SIPA1L2: variants seen among roughly 807,000 people sequenced by gnomAD.
SIPA1L2 encodes the protein signal induced proliferation associated 1 like 2, also known as signal-induced proliferation-associated 1-like protein 2.
Under a neutral mutation model 163.9 loss-of-function variants are expected in SIPA1L2, and 56 were observed. The ratio of observed to expected loss-of-function variants is 0.34; its 90% CI spans 0.28 to 0.43. The LOEUF (loss-of-function observed/expected upper bound fraction) is 0.43. Among genes scored for constraint, SIPA1L2 ranks in the 20% least tolerant of loss-of-function variants. The pLI, the probability that SIPA1L2 is intolerant of heterozygous loss-of-function variation, is 1.00. For synonymous variants in SIPA1L2, 877 were observed against 865.7 expected (o/e 1.01, Z -0.23); for missense variants, 1,974 against 2,193.5 (o/e 0.90, Z 2.00).
intron 1 of SIPA1L2, among the ~76,000 whole-genome samples, chr1:232,576,131 G>A (rs187875833): frequency 4.7e-4 from 71 of 152,280 alleles, no homozygotes; most frequent in African/African-American, 1.6e-3. Flanking sequence ...ATCAGTGGAC[G>A]TCTAGTACCG....
At chr1:232,586,358 T>A (rs1285538075) in intron 1 of SIPA1L2, among the ~76,000 whole-genome samples, 1 of 152,202 alleles carries the variant, frequency 6.6e-6, no homozygotes, top group Non-Finnish European at 1.5e-5. Flanking sequence ...TTTTATCAGA[T>A]GTCATTTTAT....
chr1:232,458,493 C>T (rs1661459212), intron 10 of SIPA1L2, among the ~76,000 whole-genome samples: 1 of 152,178 alleles, frequency 6.6e-6, no homozygotes, highest in Non-Finnish European at 1.5e-5. Context: ...TTTTATTAAA[C>T]AGATCTCTTG....
At chr1:232,570,264 G>C (rs1659643506) in intron 2 of SIPA1L2, among the ~76,000 whole-genome samples, 1 of 152,128 alleles carries the variant, frequency 6.6e-6, no homozygotes. Context: ...TGATAAACAA[G>C]TTTCTAAGCC....
At chr1:232,599,426 G>A (rs954698983) in intron 1 of SIPA1L2, among the ~76,000 whole-genome samples, 2 of 152,262 alleles carry the variant, frequency 1.3e-5, no homozygotes, top group East Asian at 3.8e-4. Context: ...AGATCTGCCA[G>A]TAAGAACAGT....
intron 8 of SIPA1L2, among the ~76,000 whole-genome samples, chr1:232,467,906 A>T (rs1363277004): frequency 1.3e-5 from 2 of 152,216 alleles, no homozygotes; most frequent in Non-Finnish European, 2.9e-5. Context: ...TGACTCCATT[A>T]TATAGTAGGG....
intron 3 of SIPA1L2, among the ~76,000 whole-genome samples, chr1:232,510,891 T>C (rs139495726): frequency 6.6e-6 from 1 of 152,328 alleles, no homozygotes; most frequent in East Asian, 1.9e-4. Flanking sequence ...TATAATTTTA[T>C]GTTCTAGTAT....
At chr1:232,489,974 C>G (rs1245869886) in intron 5 of SIPA1L2, among the ~76,000 whole-genome samples, 1 of 152,114 alleles carries the variant, frequency 6.6e-6, no homozygotes, top group East Asian at 1.9e-4. Context: ...AATTGATCTC[C>G]ACATAGCCAT....
At chr1:232,412,095 G>C (rs1660988913) in intron 19 of SIPA1L2, among the ~76,000 whole-genome samples, 1 of 152,130 alleles carries the variant, frequency 6.6e-6, no homozygotes, top group Non-Finnish European at 1.5e-5. Context: ...GCTTAATTTG[G>C]TGCCTCTGCT....
At chr1:232,610,835 G>C (rs1558303593) in intron 1 of SIPA1L2, among the ~76,000 whole-genome samples, 1 of 152,126 alleles carries the variant, frequency 6.6e-6, no homozygotes, top group African/African-American at 2.4e-5. Flanking sequence ...AGTTCAGGTA[G>C]GGCTTTAACT....
Position 232,439,191 on chromosome 1 carries a change from C to A in SIPA1L2, c.3948G>T (p.Val1316=). Residue 1316 remains valine, a synonymous_variant, in exon 15 of 23, where the codon GTG becomes GTT. Transcript: ENST00000674635. Reference sequence around the variant, plus strand: ...CGGAGATGGTGGACGCGTAGCCATGCACAGAATATAACTTGGCTGGCTCGT... The same window carrying A: ...CGGAGATGGTGGACGCGTAGCCATGAACAGAATATAACTTGGCTGGCTCGT... ...PDDEPAKLYS[V]HGYASTISAG... 2.5e-6 allele frequency: 4 copies of A among 1,613,794 alleles called. No individual in the cohort carries two copies. Among genetic ancestry groups the A allele is most frequent in the Non-Finnish European group, 3.4e-6 (4 of 1,180,048 alleles).
Position 232,573,835 on chromosome 1 carries a change from C to T in SIPA1L2, c.-270+339G>A, listed in dbSNP as rs186979214. On this transcript the variant is annotated intron_variant, in intron 2 of 22. Coordinates refer to ENST00000674635, the MANE Select transcript of SIPA1L2 (RefSeq NM_020808.5). ...CCCACCAACATGCTCACGTGTTGTA[C>T]CTCTAATATAAGGGATGCTCCATGT... Among the ~76,000 whole-genome samples, 3 of 152,192 alleles carry T rather than the reference C, an allele frequency of 2.0e-5. No homozygotes were observed. The East Asian group carries it at 5.8e-4, about 29-fold the overall frequency.
At chr1:232,434,777 C>G (rs1321798697) in intron 15 of SIPA1L2, among the ~76,000 whole-genome samples, 1 of 152,148 alleles carries the variant, frequency 6.6e-6, no homozygotes, top group Non-Finnish European at 1.5e-5. Flanking sequence ...GCATAAACAT[C>G]CACATACCCT....
chr1:232,443,528 C>G, intron 12 of SIPA1L2, 74 bp downstream of exon 12: 3 of 1,203,102 alleles, frequency 2.5e-6, no homozygotes, highest in Non-Finnish European at 3.5e-6. Context: ...AGAAGGCACA[C>G]AGTAAATGCT....
chr1:232,425,544 G>A lies in SIPA1L2; in HGVS notation c.4630+45C>T, dbSNP rs1359102536. ...CAATGAGGCAGGAGTTGTGCGATCA[G>A]CCCACCCTCGGCGCTGGCCAGGGAG... On this transcript the variant is annotated intron_variant, in intron 18 of 22. Coordinates refer to ENST00000674635, the MANE Select transcript of SIPA1L2 (RefSeq NM_020808.5). 5 of 1,469,364 alleles carry A rather than the reference G, an allele frequency of 3.4e-6. No homozygotes were observed. The East Asian group carries it at 9.9e-5, about 29-fold the overall frequency. The allele number at this position is 1,469,364 out of a possible 1,614,324, so 91.0% of individuals were successfully genotyped here.
chr1:232,608,063 A>AAAAAAAAAAC (rs1558301973), intron 1 of SIPA1L2, among the ~76,000 whole-genome samples: 24 of 150,970 alleles, frequency 1.6e-4, no homozygotes, highest in African/African-American at 5.9e-4. Flanking sequence ...AAAAAAAAAA[A>AAAAAAAAAAC]AAAAAACGAG....
chr1:232,625,648 G>C (rs1663036028), intron 1 of SIPA1L2, among the ~76,000 whole-genome samples: 1 of 152,130 alleles, frequency 6.6e-6, no homozygotes, highest in Admixed American at 6.5e-5. Context: ...CTCTACACAG[G>C]TCATGTTCAC....
At chr1:232,437,287 G>C (rs942229575) in intron 15 of SIPA1L2, among the ~76,000 whole-genome samples, 2 of 152,104 alleles carry the variant, frequency 1.3e-5, no homozygotes, top group Admixed American at 6.5e-5. Context: ...CTTTGAACTA[G>C]ATGTTAGCAG....
chr1:232,625,508 T>C (rs908338525), intron 1 of SIPA1L2, among the ~76,000 whole-genome samples: 1 of 152,208 alleles, frequency 6.6e-6, no homozygotes, highest in Non-Finnish European at 1.5e-5. Flanking sequence ...AATGGCAGCA[T>C]GTGATTAACG....
intron 1 of SIPA1L2, among the ~76,000 whole-genome samples, chr1:232,599,703 C>A (rs1328243781): frequency 6.6e-6 from 1 of 152,126 alleles, no homozygotes; most frequent in African/African-American, 2.4e-5. Flanking sequence ...TGCTGTAGCC[C>A]CGGGCAAAGC....
Sources: allele counts gnomAD v4.1 joint callset (sites outside exome capture counted in the v4.1 genomes callset), GRCh38; gene constraint gnomAD v4.1.1; transcripts MANE v1.5; gene names NCBI Gene and HGNC (gene_info 2026-07-23, HGNC 2026-07-21).